The following TCTN2 variants were observed in gnomAD, a reference collection of about 807,000 sequenced individuals.
The protein encoded by TCTN2 is tectonic family member 2, also known as tectonic-2.
Under a neutral mutation model 83.4 loss-of-function variants are expected in TCTN2, and 66 were observed. That is an observed-to-expected ratio of 0.79 (90% CI 0.65 to 0.97). The LOEUF (loss-of-function observed/expected upper bound fraction) is 0.97. TCTN2 is among the 50% of genes least tolerant of loss of function. TCTN2 has a pLI of 0.00. For synonymous variants in TCTN2, 301 were observed against 326.7 expected (o/e 0.92, Z 0.85); for missense variants, 794 against 858.1 (o/e 0.93, Z 0.93).
chr12:123,689,761 T>C (rs1956019796), intron 7 of TCTN2, among the ~76,000 whole-genome samples: 1 of 152,152 alleles, frequency 6.6e-6, no homozygotes, highest in African/African-American at 2.4e-5. Flanking sequence ...ATTTTAAGGC[T>C]GTAAGGTTGT....
At chr12:123,693,262 G>A (rs2135844136) in intron 9 of TCTN2, among the ~76,000 whole-genome samples, 1 of 151,592 alleles carries the variant, frequency 6.6e-6, no homozygotes, top group South Asian at 2.1e-4. Flanking sequence ...CCGACCTCAG[G>A]TGATCCACTT....
chr12:123,695,953 C>T (rs1314881318), intron 11 of TCTN2: 1 of 186,914 alleles, frequency 5.4e-6, no homozygotes, highest in African/African-American at 2.4e-5. Context: ...AAGCAATTCT[C>T]CTGCCTCAGC....
In TCTN2 at chr12:123,679,294, G is replaced by C; in HGVS notation, c.564+5G>C. The stretch of plus-strand genomic sequence containing the variant: ...GTTCGCTGCTGCTGTGACCAGGTAT[G>C]TTCTTTGGTTATTGGGCACAAAAGT... On this transcript the variant is annotated splice_donor_5th_base_variant and intron_variant, in intron 5 of 17. Coordinates refer to ENST00000303372, the MANE Select transcript of TCTN2 (RefSeq NM_024809.5). 1 of 1,613,402 alleles carries C rather than the reference G, an allele frequency of 6.2e-7. No homozygotes were observed. Among genetic ancestry groups the C allele is most frequent in the Non-Finnish European group, 8.5e-7 (1 of 1,179,442 alleles).
chr12:123,691,819 C>T lies in TCTN2; in HGVS notation c.1034-839C>T, dbSNP rs530096769. Among the ~76,000 whole-genome samples the T allele has an allele frequency of 1.2e-4, 18 of 151,786 alleles. 1 individual carries two copies. Among genetic ancestry groups the T allele is most frequent in the Non-Finnish European group, 1.8e-4 (12 of 67,962 alleles). On this transcript the variant is annotated intron_variant, in intron 8 of 17. Coordinates refer to ENST00000303372, the MANE Select transcript of TCTN2 (RefSeq NM_024809.5). ...TGATCTCGGCTCGCTGCAACCTCCA[C>T]CTCCCTGGTTCAAGCGATTCCCCTG...
chr12:123,681,558 G>A (rs1955899970), intron 5 of TCTN2, among the ~76,000 whole-genome samples: 2 of 152,174 alleles, frequency 1.3e-5, no homozygotes, highest in Admixed American at 1.3e-4. Context: ...TTACCTTGTA[G>A]CAGCTGTTAC....
chr12:123,671,913 G>A, intron 2 of TCTN2, 143 bp from the exon 3 acceptor site: 1 of 793,746 alleles, frequency 1.3e-6, no homozygotes, highest in Non-Finnish European at 2.3e-6. Flanking sequence ...AGTTCAGAGA[G>A]GTTGTCACTG....
chr12:123,693,317 C>T (rs1432582756), intron 9 of TCTN2, among the ~76,000 whole-genome samples: 2 of 150,428 alleles, frequency 1.3e-5, no homozygotes, highest in Admixed American at 6.6e-5. Context: ...TGAGCCACCG[C>T]GCCCGACCAG....
intron 5 of TCTN2, among the ~76,000 whole-genome samples, chr12:123,684,230 C>T (rs1379088543): frequency 1.3e-5 from 2 of 152,094 alleles, no homozygotes; most frequent in Non-Finnish European, 2.9e-5. Flanking sequence ...TTCCCCTCAC[C>T]TCCAAAGGTT....
At position 123,695,073 on chromosome 12, in the gene TCTN2, G is replaced by A. The variant is rs12828633; in HGVS notation, c.1234+97G>A. ...TAATTATAACCCATAAAACTAAGTT[G>A]GACTTGTTTCTTATGTGCATTTATG... On this transcript the variant is annotated intron_variant, in intron 10 of 17. Coordinates refer to ENST00000303372, the MANE Select transcript of TCTN2 (RefSeq NM_024809.5). The A allele has an allele frequency of 0.39, 600,792 of 1,532,774 alleles. 122,934 individuals are homozygous for A. Among genetic ancestry groups the A allele is most frequent in the African/African-American group, 0.55 (40,080 of 72,530 alleles). 94.9% of individuals were successfully genotyped at this position (1,532,774 alleles called of 1,614,324 possible). A position where few individuals can be genotyped will look rare whatever the true frequency, so the allele number is the denominator to read the frequency against.
chr12:123,699,598 A>T, intron 13 of TCTN2, 106 bp from the exon 14 acceptor site: 1 of 934,032 alleles, frequency 1.1e-6, no homozygotes, highest in Non-Finnish European at 1.7e-6. Context: ...TTCCTCTGGC[A>T]GTTTTTAATT....
Position 123,686,985 on chromosome 12 carries a change from G to A in TCTN2, c.714G>A (p.Gln238=). The A allele has an allele frequency of 1.2e-6, 2 of 1,614,172 alleles. No homozygotes were observed. The highest frequency in any genetic ancestry group is 1.7e-6 in the Non-Finnish European group (2 of 1,180,050). Residue 238 remains glutamine (Q), a synonymous_variant, in exon 6 of 18, where the codon CAG becomes CAA. Transcript: ENST00000303372. The part of the protein sequence containing the change: ...VPDWFPFLCV[Q]SPLANTPFLG... The stretch of plus-strand genomic sequence containing the variant: ...ATTGGTTTCCCTTTCTGTGTGTGCA[G>A]TCCCCCCTTGCCAACACACCCTTCC...
chr12:123,696,309 G>A (rs1019353263), intron 11 of TCTN2, 106 bp from the exon 12 acceptor site: 28 of 943,758 alleles, frequency 3.0e-5, no homozygotes, highest in Admixed American at 5.4e-5. Flanking sequence ...CGAAAGCTTC[G>A]CCTATGTGTT....
At chr12:123,693,863 G>C (rs1227096102) in intron 9 of TCTN2, among the ~76,000 whole-genome samples, 1 of 151,364 alleles carries the variant, frequency 6.6e-6, no homozygotes, top group South Asian at 2.1e-4. Context: ...TGTCGCCCAG[G>C]CTGGAGTGCA....
At chr12:123,703,673 G>A (rs1246721556) in intron 14 of TCTN2, among the ~76,000 whole-genome samples, 1 of 150,974 alleles carries the variant, frequency 6.6e-6, no homozygotes, top group African/African-American at 2.4e-5. Context: ...TTTTTCTCGA[G>A]GAGACAGGGT....
chr12:123,707,985 G>C lies in TCTN2; in HGVS notation c.*272G>C. 2.3e-6 allele frequency: 1 copy of C among 439,734 alleles called. No individual in the cohort carries two copies. Among genetic ancestry groups the C allele is most frequent in the East Asian group, 4.5e-5 (1 of 22,028 alleles). The allele number at this position is 439,734 out of a possible 1,614,324, so 27.2% of individuals were successfully genotyped here. A position where few individuals can be genotyped will look rare whatever the true frequency, so the allele number is the denominator to read the frequency against. On this transcript the variant is annotated 3_prime_UTR_variant, in exon 18 of 18. Coordinates refer to ENST00000303372, the MANE Select transcript of TCTN2 (RefSeq NM_024809.5). ...GGCCTCCCAAAGTGCTGAGATTACA[G>C]GCATGAGCCACCGCACCCGGCCTTT...
chr12:123,681,851 C>T (rs535500671), intron 5 of TCTN2, among the ~76,000 whole-genome samples: 1 of 152,136 alleles, frequency 6.6e-6, no homozygotes, highest in African/African-American at 2.4e-5. Flanking sequence ...TTCCCATCAG[C>T]AATGTATGTG....
At chr12:123,696,777 C>T in intron 12 of TCTN2, 1 of 530,630 alleles carries the variant, frequency 1.9e-6, no homozygotes. Flanking sequence ...GCCTGTAGCC[C>T]AGGATGGTGC....
In TCTN2 at chr12:123,704,526, CTA is replaced by C; in HGVS notation, c.1613-3_1613-2del. ...TTGAAAAGTGTATAACTTAACATTT[CTA>C]TAGGTGTAGATGCCCCTGATCCAGG... is the stretch of plus-strand genomic sequence containing the variant. On this transcript the variant is annotated splice_polypyrimidine_tract_variant and splice_region_variant and intron_variant, in intron 14 of 17. Coordinates refer to ENST00000303372, the MANE Select transcript of TCTN2 (RefSeq NM_024809.5). 6.2e-7 allele frequency: 1 copy of C among 1,607,848 alleles called. No individual in the cohort carries two copies. The highest frequency in any genetic ancestry group is 8.5e-7 in the Non-Finnish European group (1 of 1,177,076).
At chr12:123,696,775 C>T (rs1462836221) in intron 12 of TCTN2, 1 of 532,380 alleles carries the variant, frequency 1.9e-6, no homozygotes, top group East Asian at 3.4e-5. Flanking sequence ...TTGCCTGTAG[C>T]CCAGGATGGT....
Sources: allele counts gnomAD v4.1 joint callset (sites outside exome capture counted in the v4.1 genomes callset), GRCh38; gene constraint gnomAD v4.1.1; transcripts MANE v1.5; gene names NCBI Gene and HGNC (gene_info 2026-07-23, HGNC 2026-07-21).